The following ARMC3 variants were observed in gnomAD, a reference collection of about 807,000 sequenced individuals.
ARMC3 encodes the protein armadillo repeat containing 3.
ARMC3 carries 74 observed loss-of-function variants against 90.3 expected under a neutral mutation model. That is an observed-to-expected ratio of 0.82 (90% confidence interval 0.68 to 0.99). ARMC3 has a LOEUF of 0.99. Ranked by LOEUF, ARMC3 falls within the 50% of genes least tolerant of loss-of-function variation. The pLI is 0.00. For missense variants in ARMC3, 958 were observed against 1,042.8 expected, an observed-to-expected ratio of 0.92 and a Z score of 1.12; for synonymous variants, 334 against 361.8, an observed-to-expected ratio of 0.92 and a Z score of 0.87.
intron 16 of ARMC3, among the ~76,000 whole-genome samples, chr10:23,014,987 A>T (rs1478395774): frequency 6.6e-6 from 1 of 152,092 alleles, no homozygotes; most frequent in Non-Finnish European, 1.5e-5. Context: ...AAAAAAATTT[A>T]AAAGAAGATC....
intron 15 of ARMC3, among the ~76,000 whole-genome samples, 197 bp downstream of exon 15, chr10:23,008,571 C>T (rs551642607): frequency 4.6e-5 from 7 of 152,280 alleles, no homozygotes; most frequent in African/African-American, 1.4e-4. Context: ...CCTTCTATTT[C>T]GCCCTGTGGA....
intron 7 of ARMC3, among the ~76,000 whole-genome samples, chr10:22,964,248 A>G (rs1460013620): frequency 6.6e-6 from 1 of 152,200 alleles, no homozygotes; most frequent in Non-Finnish European, 1.5e-5. Flanking sequence ...AACACTTTTT[A>G]AAAGGAACTA....
At chr10:23,035,513 CCCT>C (rs1839095969) in intron 18 of ARMC3, among the ~76,000 whole-genome samples, 1 of 151,926 alleles carries the variant, frequency 6.6e-6, no homozygotes. Context: ...CTTATCCTTC[CCCT>C]CCTCCTATAT....
At chr10:23,002,803 A>C (rs1837370944) in intron 12 of ARMC3, among the ~76,000 whole-genome samples, 1 of 151,974 alleles carries the variant, frequency 6.6e-6, no homozygotes, top group Non-Finnish European at 1.5e-5. Flanking sequence ...CGAACTCCTG[A>C]CCTCAAGTGA....
intron 8 of ARMC3, among the ~76,000 whole-genome samples, chr10:22,981,098 T>C (rs955793376): frequency 3.9e-5 from 6 of 152,238 alleles, no homozygotes; most frequent in Admixed American, 3.9e-4. Context: ...TTTTTCCTAG[T>C]ACAGACTTTC....
intron 16 of ARMC3, among the ~76,000 whole-genome samples, chr10:23,027,250 T>C (rs1361345546): frequency 2.0e-5 from 3 of 152,224 alleles, no homozygotes; most frequent in Non-Finnish European, 4.4e-5. Context: ...TTCAAATCCA[T>C]GAACACAATA....
chr10:22,961,886 T>C lies in ARMC3; in HGVS notation c.540T>C (p.Asp180=). The C allele has an allele frequency of 6.3e-7, 1 of 1,599,362 alleles. No individual in the cohort carries two copies. Among genetic ancestry groups the C allele is most frequent in the Non-Finnish European group, 8.5e-7 (1 of 1,175,376 alleles). Residue 180 remains aspartate (D), a splice_region_variant and synonymous_variant, in exon 7 of 19, where the codon GAT becomes GAC. Transcript: ENST00000298032. ...TGATCATCTGTATTTTGTGGCAGGATTTTCAGTGTCGAGCTAAACTTCAAG... is the reference window on the plus strand; with the variant it reads ...TGATCATCTGTATTTTGTGGCAGGACTTTCAGTGTCGAGCTAAACTTCAAG... ...SMECIYNLVQ[D]FQCRAKLQEL...
At chr10:22,940,797 T>C (rs747346101) in intron 2 of ARMC3, among the ~76,000 whole-genome samples, 1 of 152,224 alleles carries the variant, frequency 6.6e-6, no homozygotes, top group East Asian at 1.9e-4. Flanking sequence ...TTATATTTTC[T>C]TATAAAGTTA....
chr10:23,016,107 AC>A (rs1244083618), intron 16 of ARMC3, among the ~76,000 whole-genome samples: 1 of 152,204 alleles, frequency 6.6e-6, no homozygotes, highest in Non-Finnish European at 1.5e-5. Context: ...GGAATAGGAC[AC>A]CCAATTTGAA....
At chr10:22,985,032 C>A (rs980648645) in intron 10 of ARMC3, among the ~76,000 whole-genome samples, 1 of 149,516 alleles carries the variant, frequency 6.7e-6, no homozygotes, top group Admixed American at 6.7e-5. Context: ...ACCATCCCAC[C>A]CAGTTAATTT....
In ARMC3 at chr10:22,981,669, A is replaced by G; in HGVS notation, c.1144A>G (p.Asn382Asp). Residue 382 changes from asparagine to aspartate, a missense_variant, in exon 10 of 19, where the codon AAC (asparagine) becomes GAC (aspartate). Coordinates refer to ENST00000298032, the MANE Select transcript of ARMC3 (RefSeq NM_173081.5). ...VREAAALALA[N>D]LTTCNPANAN... ...GGAAGCAGCAGCTCTAGCCCTGGCA[A>G]ACCTAACCACTTGCAACCCTGCTAA... is the stretch of plus-strand genomic sequence containing the variant. 6.2e-7 allele frequency: 1 copy of G among 1,614,042 alleles called. No homozygotes were observed. Among genetic ancestry groups the G allele is most frequent in the Non-Finnish European group, 8.5e-7 (1 of 1,179,972 alleles).
At position 22,963,440 on chromosome 10, in the gene ARMC3, A is replaced by G. The variant is rs533410614; in HGVS notation, c.732+1362A>G. 3.9e-5 allele frequency among the ~76,000 whole-genome samples: 6 copies of G among 152,244 alleles called. No individual in the cohort carries two copies. The East Asian group carries it at 1.2e-3, about 29-fold the overall frequency. On this transcript the variant is annotated intron_variant, in intron 7 of 18. Coordinates refer to ENST00000298032, the MANE Select transcript of ARMC3 (RefSeq NM_173081.5). ...TAGTGGGAAAAATTCAAAGAACACA[A>G]AAATATAGAGAGTGAAACATCAAAA...
In ARMC3 at chr10:23,014,369, A is replaced by T. The variant is rs1356869855; in HGVS notation, c.2045+5438A>T. On this transcript the variant is annotated intron_variant, in intron 16 of 18. Coordinates refer to ENST00000298032, the MANE Select transcript of ARMC3 (RefSeq NM_173081.5). ...TAGCCTTTGGTCCATTGAGGGGTAG[A>T]TTAGCCATAGCCCTGTTGTCCTGTT... is the stretch of plus-strand genomic sequence containing the variant. The T allele has an allele frequency of 2.3e-6, 3 of 1,298,948 alleles. No individual in the cohort carries two copies. In the East Asian group the frequency reaches 9.0e-5, roughly 39 times the overall value. The allele number at this position is 1,298,948 out of a possible 1,614,324, so 80.5% of individuals were successfully genotyped here.
chr10:22,941,215 G>A (rs1047891289), intron 2 of ARMC3, among the ~76,000 whole-genome samples: 1 of 152,170 alleles, frequency 6.6e-6, no homozygotes, highest in African/African-American at 2.4e-5. Context: ...CAACTGCAAT[G>A]AGGCAGGAGA....
intron 1 of ARMC3, among the ~76,000 whole-genome samples, chr10:22,929,008 C>A (rs1833821878): frequency 6.6e-6 from 1 of 152,096 alleles, no homozygotes; most frequent in Non-Finnish European, 1.5e-5. Context: ...GGGTGGATCG[C>A]CTGAAGTCAG....
rs1030216514 is a variant in ARMC3, at chr10:23,003,531, G to A, written c.1731+117G>A. ...AATGTAATTTATATTTTTACAGGCAGAAACTTGAAAATCAGCACTTCATTC... is the reference window on the plus strand; with the variant it reads ...AATGTAATTTATATTTTTACAGGCAAAAACTTGAAAATCAGCACTTCATTC... On this transcript the variant is annotated intron_variant, in intron 13 of 18. Coordinates refer to ENST00000298032, the MANE Select transcript of ARMC3 (RefSeq NM_173081.5). The A allele has an allele frequency of 1.1e-5, 10 of 936,100 alleles. No individual in the cohort carries two copies. The African/African-American group carries it at 1.4e-4, about 13-fold the overall frequency. 58.0% of individuals were successfully genotyped at this position (936,100 alleles called of 1,614,324 possible).
chr10:22,970,399 C>T (rs1005064257), intron 8 of ARMC3, among the ~76,000 whole-genome samples: 15 of 152,178 alleles, frequency 9.9e-5, no homozygotes, highest in Admixed American at 1.3e-4. Flanking sequence ...AGGCTATGGA[C>T]GTGGTGAGGA....
chr10:22,952,231 T>G (rs1020593991), intron 3 of ARMC3, among the ~76,000 whole-genome samples: 2 of 151,882 alleles, frequency 1.3e-5, no homozygotes, highest in Admixed American at 1.3e-4. Flanking sequence ...AACAAAAAAA[T>G]TGATGAGCCA....
chr10:23,010,090 C>T (rs554520419), intron 16 of ARMC3, among the ~76,000 whole-genome samples: 1 of 152,018 alleles, frequency 6.6e-6, no homozygotes, highest in South Asian at 2.1e-4. Flanking sequence ...ACTCATCCAT[C>T]CCTGTGGTTC....
Sources: gnomAD v4.1 joint callset for allele counts (sites outside exome capture counted in the v4.1 genomes callset) on GRCh38, gnomAD v4.1.1 for gene constraint, MANE v1.5 for transcripts, NCBI Gene and HGNC (gene_info 2026-07-23, HGNC 2026-07-21) for gene names.